SMARCA2: variants seen among roughly 807,000 people sequenced by gnomAD.
SMARCA2 encodes SWI/SNF related BAF chromatin remodeling complex subunit ATPase 2.
A neutral mutation model predicts 199.8 loss-of-function variants in SMARCA2; 61 were observed. That is an observed-to-expected ratio of 0.31 (90% CI 0.25 to 0.38). The LOEUF (loss-of-function observed/expected upper bound fraction) is 0.38, where lower values mean the gene tolerates loss of function less well. Ranked by LOEUF, SMARCA2 falls within the 10% of genes least tolerant of loss-of-function variation. SMARCA2 has a pLI of 1.00. For missense variants in SMARCA2, 1,344 were observed against 2,012.2 expected (o/e 0.67, Z 6.35); for synonymous variants, 935 against 732.0 (o/e 1.28, Z -4.48).
In SMARCA2 at chr9:2,039,826, CGCAGCA is replaced by C; in HGVS notation, c.722_727del (p.Gln241_Gln242del). ...CAGCAGCAGCAGCAGCAACAGCAGC[CGCAGCA>C]GCAGCCGCCGCAACCACAGACGCAG... is the stretch of plus-strand genomic sequence containing the variant. On this transcript the variant is annotated inframe_deletion, in exon 4 of 34. Transcript: ENST00000349721. This position sits in a 1 kb window ranked among gnomAD's most constrained non-coding sequence, Gnocchi z 4.8. The C allele has an allele frequency of 6.2e-7, 1 of 1,604,268 alleles. No individual in the cohort carries two copies. Among genetic ancestry groups the C allele is most frequent in the East Asian group, 2.2e-5 (1 of 44,692 alleles).
intron 27 of SMARCA2, among the ~76,000 whole-genome samples, chr9:2,150,594 G>T (rs1825013494): frequency 6.6e-6 from 1 of 151,656 alleles, no homozygotes; most frequent in Non-Finnish European, 1.5e-5. Flanking sequence ...CCTACGAGCA[G>T]CGTTGCTTTG....
chr9:2,165,469 G>A (rs1825889233), intron 28 of SMARCA2, among the ~76,000 whole-genome samples: 1 of 152,164 alleles, frequency 6.6e-6, no homozygotes, highest in Admixed American at 6.5e-5. Context: ...ATTCATAAGT[G>A]TAAAATCCTT....
intron 28 of SMARCA2, among the ~76,000 whole-genome samples, chr9:2,166,340 C>A (rs1825928954): frequency 6.6e-6 from 1 of 152,130 alleles, no homozygotes; most frequent in Admixed American, 6.5e-5. Context: ...GTTAGCATAA[C>A]TCAAGGGTGT....
At chr9:2,182,433 C>T (rs896239377) in intron 31 of SMARCA2, among the ~76,000 whole-genome samples, 191 bp downstream of exon 31, 32 of 150,030 alleles carry the variant, frequency 2.1e-4, no homozygotes, top group Non-Finnish European at 3.5e-4. Flanking sequence ...CTTTGTACCA[C>T]AGCTGTGCTA....
At chr9:2,057,469 A>T (rs1299442518) in intron 7 of SMARCA2, among the ~76,000 whole-genome samples, 1 of 152,234 alleles carries the variant, frequency 6.6e-6, no homozygotes, top group Admixed American at 6.5e-5. Flanking sequence ...TGTCATGTTC[A>T]TAATCCCATG....
intron 29 of SMARCA2, among the ~76,000 whole-genome samples, chr9:2,178,191 T>C (rs1215879308): frequency 3.9e-5 from 6 of 152,234 alleles, no homozygotes; most frequent in Non-Finnish European, 7.4e-5. Context: ...TTCACTTCCA[T>C]GAAGAGGAGA....
At chr9:2,182,629 G>T (rs1294344535) in intron 31 of SMARCA2, among the ~76,000 whole-genome samples, 2 of 151,502 alleles carry the variant, frequency 1.3e-5, no homozygotes, top group Non-Finnish European at 2.9e-5. Flanking sequence ...CAAGTACCTG[G>T]GATTACAGGC....
chr9:2,104,213 A>C lies in SMARCA2; in HGVS notation c.3292+44A>C, dbSNP rs1365340524. 6.4e-7 allele frequency: 1 copy of C among 1,556,190 alleles called. No homozygotes were observed. Among genetic ancestry groups the C allele is most frequent in the East Asian group, 2.3e-5 (1 of 43,970 alleles). ...AGGCTCGGAAGCCATACTACTGAAA[A>C]TGAAGGGATAATGGGCACTTAGGTC... is the stretch of plus-strand genomic sequence containing the variant. On this transcript the variant is annotated intron_variant, in intron 23 of 33. Transcript: ENST00000349721. The surrounding 1 kb of genome is among the most constrained non-coding windows in gnomAD (Gnocchi z 4.0).
intron 25 of SMARCA2, among the ~76,000 whole-genome samples, chr9:2,117,013 C>A (rs532282670): frequency 7.2e-5 from 11 of 152,142 alleles, no homozygotes; most frequent in Non-Finnish European, 1.3e-4. Flanking sequence ...GTCTTATAAA[C>A]AAATACTCCT....
intron 32 of SMARCA2, among the ~76,000 whole-genome samples, chr9:2,188,540 A>T (rs1827652873): frequency 6.6e-6 from 1 of 152,138 alleles, no homozygotes; most frequent in Non-Finnish European, 1.5e-5. Context: ...TTAGCTATAT[A>T]TTTCATTATT....
chr9:2,171,241 G>T (rs151144257), intron 29 of SMARCA2, among the ~76,000 whole-genome samples: 2 of 151,942 alleles, frequency 1.3e-5, no homozygotes, highest in African/African-American at 2.4e-5. Flanking sequence ...CGGTCAACCT[G>T]TACTTAAAAA....
At chr9:2,135,412 T>A (rs1824149804) in intron 27 of SMARCA2, among the ~76,000 whole-genome samples, 2 of 152,210 alleles carry the variant, frequency 1.3e-5, no homozygotes, top group Admixed American at 6.5e-5. Flanking sequence ...TATCTGGGCA[T>A]CCCTTAGCCC....
chr9:2,116,031 G>A lies in SMARCA2; in HGVS notation c.3666G>A (p.Glu1222=), dbSNP rs1444146990. 1 of 1,613,746 alleles carries A rather than the reference G, an allele frequency of 6.2e-7. No homozygotes were observed. The highest frequency in any genetic ancestry group is 2.2e-5 in the East Asian group (1 of 44,886). ...ERRAFLQAIL[E]HEEENEEEDE... ...GGGCATTCCTGCAGGCCATCTTGGAGCATGAGGAGGAAAATGAGGTATTAG... is the reference window on the plus strand; with the variant it reads ...GGGCATTCCTGCAGGCCATCTTGGAACATGAGGAGGAAAATGAGGTATTAG... Residue 1222 remains glutamate (E), a synonymous_variant, in exon 25 of 34, where the codon GAG becomes GAA. Transcript: ENST00000349721.
At chr9:2,159,793 T>C in intron 27 of SMARCA2, 1 of 1,603,312 alleles carries the variant, frequency 6.2e-7, no homozygotes, top group Non-Finnish European at 8.5e-7. Flanking sequence ...TTTCCCCAGC[T>C]CTCTTTTTTT....
chr9:2,165,243 A>T (rs952516743), intron 28 of SMARCA2, among the ~76,000 whole-genome samples: 1 of 152,258 alleles, frequency 6.6e-6, no homozygotes, highest in African/African-American at 2.4e-5. Context: ...ACAGCCATTT[A>T]TATTTAACTG....
intron 11 of SMARCA2, 57 bp downstream of exon 11, chr9:2,073,399 C>G: frequency 4.4e-6 from 7 of 1,602,150 alleles, no homozygotes; most frequent in Non-Finnish European, 3.4e-6. Context: ...TTTTGGTAAT[C>G]TTGTACGATC....
intron 29 of SMARCA2, among the ~76,000 whole-genome samples, chr9:2,174,188 C>G (rs1481083131): frequency 6.6e-6 from 1 of 152,046 alleles, no homozygotes; most frequent in Non-Finnish European, 1.5e-5. Flanking sequence ...CTCTCAAGCT[C>G]CAGGCCAACA....
At chr9:2,024,200 C>CT (rs1422100716) in intron 1 of SMARCA2, among the ~76,000 whole-genome samples, 2 of 152,030 alleles carry the variant, frequency 1.3e-5, no homozygotes, top group East Asian at 1.9e-4. Context: ...AACTTTTTTT[C>CT]TTTTTTTTAA....
chr9:2,132,695 A>G (rs1315466385), intron 27 of SMARCA2, among the ~76,000 whole-genome samples: 1 of 152,218 alleles, frequency 6.6e-6, no homozygotes, highest in East Asian at 1.9e-4. Context: ...AGGGAGAGCT[A>G]AGGCCCTAGA....
Sources: allele counts gnomAD v4.1 joint callset (sites outside exome capture counted in the v4.1 genomes callset), GRCh38; gene constraint gnomAD v4.1.1; non-coding constraint Gnocchi (gnomAD v3.1); transcripts MANE v1.5; gene names NCBI Gene and HGNC (gene_info 2026-07-23, HGNC 2026-07-21).